ADAMTSL1: variants seen among roughly 807,000 people sequenced by gnomAD.
The protein encoded by ADAMTSL1 is ADAMTS-like protein 1.
ADAMTSL1 carries 126 observed loss-of-function variants against 201.8 expected under a neutral mutation model. The observed-to-expected ratio is 0.62, with a 90% confidence interval of 0.54 to 0.72. ADAMTSL1 has a LOEUF of 0.72. Ranked by LOEUF, ADAMTSL1 falls within the 30% of genes least tolerant of loss-of-function variation. ADAMTSL1 has a pLI of 0.00. For synonymous variants in ADAMTSL1, 1,121 were observed against 903.4 expected, an observed-to-expected ratio of 1.24 and a Z score of -4.32; for missense variants, 2,679 against 2,277.8, an observed-to-expected ratio of 1.18 and a Z score of -3.59.
intron 2 of ADAMTSL1, among the ~76,000 whole-genome samples, chr9:18,444,365 A>G (rs1040074893): frequency 4.6e-5 from 7 of 152,136 alleles, no homozygotes; most frequent in Admixed American, 4.6e-4. Flanking sequence ...AGAGAGACTA[A>G]ATAACTTGCC....
At chr9:18,241,076 G>T (rs1457746672) in intron 2 of ADAMTSL1, among the ~76,000 whole-genome samples, 1 of 152,094 alleles carries the variant, frequency 6.6e-6, no homozygotes, top group African/African-American at 2.4e-5. Context: ...TCTTATTCCT[G>T]TGTTCACTGG....
At chr9:18,181,099 C>T (rs1297195329) in intron 2 of ADAMTSL1, among the ~76,000 whole-genome samples, 4 of 152,132 alleles carry the variant, frequency 2.6e-5, no homozygotes, top group African/African-American at 4.8e-5. Flanking sequence ...AAAGCTGAAA[C>T]TGGATCCCTT....
chr9:18,243,528 T>C (rs962849244), intron 2 of ADAMTSL1, among the ~76,000 whole-genome samples: 3 of 151,984 alleles, frequency 2.0e-5, no homozygotes, highest in African/African-American at 7.2e-5. Flanking sequence ...CTTTCCTCCC[T>C]CAGCCTCTCT....
At chr9:17,906,698 GCT>G (rs1825726399) in exon 1 of ADAMTSL1, 1 of 152,612 alleles carries the variant, frequency 6.6e-6, no homozygotes, top group South Asian at 2.1e-4. Flanking sequence ...CCCCAGCGCA[GCT>G]CTGTCTCGTG....
intron 13 of ADAMTSL1, among the ~76,000 whole-genome samples, chr9:18,702,351 G>T (rs954045255): frequency 1.1e-4 from 16 of 152,146 alleles, no homozygotes; most frequent in African/African-American, 3.1e-4. Context: ...TCAACCAAGA[G>T]TAAGTTGTTT....
intron 26 of ADAMTSL1, among the ~76,000 whole-genome samples, 167 bp downstream of exon 26, chr9:18,892,763 CAGGCT>C (rs1328654848): frequency 1.3e-5 from 2 of 152,146 alleles, no homozygotes; most frequent in Non-Finnish European, 2.9e-5. Flanking sequence ...CCCAGAGCAG[CAGGCT>C]TTTAATTCTT....
At chr9:18,336,948 AT>A (rs1835265289) in intron 2 of ADAMTSL1, among the ~76,000 whole-genome samples, 1 of 152,114 alleles carries the variant, frequency 6.6e-6, no homozygotes, top group Admixed American at 6.5e-5. Context: ...CCAAGCCTTT[AT>A]TTTTATTAAG....
intron 26 of ADAMTSL1, among the ~76,000 whole-genome samples, chr9:18,895,625 G>A (rs1304768636): frequency 6.7e-6 from 1 of 150,272 alleles, no homozygotes; most frequent in Non-Finnish European, 1.5e-5. Context: ...ACACTCAAAA[G>A]CAGCTATGTA....
intron 4 of ADAMTSL1, among the ~76,000 whole-genome samples, chr9:18,584,348 C>T (rs1823328752): frequency 6.7e-6 from 1 of 148,982 alleles, no homozygotes; most frequent in Non-Finnish European, 1.5e-5. Flanking sequence ...TCCCTGTCAC[C>T]TTCTGCCATG....
intron 1 of ADAMTSL1, among the ~76,000 whole-genome samples, chr9:17,968,607 C>T (rs1007753895): frequency 6.6e-6 from 1 of 152,082 alleles, no homozygotes; most frequent in Non-Finnish European, 1.5e-5. Flanking sequence ...AGGATGTTCT[C>T]CCACACAAAC....
chr9:17,911,322 T>G (rs1825897328), intron 1 of ADAMTSL1, among the ~76,000 whole-genome samples: 1 of 68,920 alleles, frequency 1.5e-5, no homozygotes, highest in African/African-American at 2.9e-5. Flanking sequence ...TGCTCCCAGA[T>G]AAGGAAATGC....
chr9:18,085,509 C>CATATATATATATATACTGTGTGTGG (rs140122832), intron 1 of ADAMTSL1, among the ~76,000 whole-genome samples: 1 of 145,026 alleles, frequency 6.9e-6, no homozygotes, highest in African/African-American at 2.6e-5. Context: ...ACTGTGTGTG[C>CATATATATATATATACTGTGTGTGG]ATATATATAT....
chr9:18,667,389 T>C (rs970023192), intron 9 of ADAMTSL1, among the ~76,000 whole-genome samples: 1 of 152,166 alleles, frequency 6.6e-6, no homozygotes, highest in South Asian at 2.1e-4. Flanking sequence ...TCACACCAAC[T>C]TGGTGACCAA....
At chr9:18,087,090 T>A (rs770721641) in intron 1 of ADAMTSL1, among the ~76,000 whole-genome samples, 1 of 152,198 alleles carries the variant, frequency 6.6e-6, no homozygotes, top group Non-Finnish European at 1.5e-5. Context: ...TTGCTTAACT[T>A]GGGTTAGATA....
intron 26 of ADAMTSL1, among the ~76,000 whole-genome samples, chr9:18,898,022 C>CA (rs34613156): frequency 0.016 from 2,303 of 141,626 alleles, 28 homozygotes; most frequent in South Asian, 0.037. Flanking sequence ...CTAAAAATAT[C>CA]AAAAAAAAAA....
intron 1 of ADAMTSL1, among the ~76,000 whole-genome samples, chr9:17,924,472 T>C (rs1036436112): frequency 1.3e-5 from 2 of 152,040 alleles, no homozygotes; most frequent in African/African-American, 4.8e-5. Flanking sequence ...GGTGGTGATA[T>C]CCAAAACAGC....
intron 3 of ADAMTSL1, among the ~76,000 whole-genome samples, chr9:18,552,600 A>AT (rs1303187023): frequency 6.6e-6 from 1 of 151,766 alleles, no homozygotes; most frequent in African/African-American, 2.4e-5. Flanking sequence ...TTCTTTAATA[A>AT]TTTTTTTAAA....
chr9:18,738,910 C>G (rs1991881), intron 15 of ADAMTSL1, among the ~76,000 whole-genome samples: 71,326 of 151,904 alleles, frequency 0.47, 17,183 homozygotes, highest in South Asian at 0.6. Flanking sequence ...ATGATGGCAG[C>G]TACCGCATGG....
At chr9:18,694,764 C>A (rs1831449472) in intron 13 of ADAMTSL1, among the ~76,000 whole-genome samples, 1 of 152,190 alleles carries the variant, frequency 6.6e-6, no homozygotes, top group African/African-American at 2.4e-5. Flanking sequence ...GCCTTCTTCT[C>A]ACAGCTCCAC....
Sources: gnomAD v4.1 joint callset for allele counts (sites outside exome capture counted in the v4.1 genomes callset) on GRCh38, gnomAD v4.1.1 for gene constraint, MANE v1.5 for transcripts, NCBI Gene and HGNC (gene_info 2026-07-23, HGNC 2026-07-21) for gene names.